The following MSH3 variants were observed in gnomAD, a reference collection of about 807,000 sequenced individuals.
MSH3 encodes the protein DNA mismatch repair protein Msh3.
In MSH3, 106 loss-of-function variants were observed where a neutral mutation model predicts 123.3. The observed-to-expected ratio is 0.86, with a 90% CI of 0.73 to 1.01. The LOEUF (loss-of-function observed/expected upper bound fraction) is 1.01, where lower values mean the gene tolerates loss of function less well. Ranked by LOEUF, MSH3 falls within the 50% of genes least tolerant of loss-of-function variation. MSH3 has a pLI of 0.00. For missense variants in MSH3, 1,459 were observed against 1,347.6 expected (o/e 1.08, Z -1.29); for synonymous variants, 515 against 481.4 (o/e 1.07, Z -0.91).
intron 8 of MSH3, among the ~76,000 whole-genome samples, chr5:80,695,035 C>T (rs1262364969): frequency 6.9e-6 from 1 of 144,810 alleles, no homozygotes; most frequent in Non-Finnish European, 1.5e-5. Context: ...GTGAATATTT[C>T]ATCTATTATT....
At position 80,774,727 on chromosome 5, in the gene MSH3, G is replaced by A. The variant is rs6151810; in HGVS notation, c.2254-967G>A. On this transcript the variant is annotated intron_variant, in intron 15 of 23. Coordinates refer to ENST00000265081, the MANE Select transcript of MSH3 (RefSeq NM_002439.5). ...AGCCAGGTGCAGAAAGACAAACTTT[G>A]CGTGTTGTCACTTACTTGTGGGAGC... Among the ~76,000 whole-genome samples the A allele has an allele frequency of 3.5e-3, 534 of 152,238 alleles. 2 individuals carry two copies. Among genetic ancestry groups the A allele is most frequent in the African/African-American group, 0.012 (512 of 41,534 alleles).
intron 8 of MSH3, among the ~76,000 whole-genome samples, chr5:80,692,699 C>T (rs1022666823): frequency 1.9e-4 from 26 of 135,390 alleles, no homozygotes; most frequent in African/African-American, 3.8e-4. Flanking sequence ...GATAAATATA[C>T]ATACACATGT....
intron 3 of MSH3, among the ~76,000 whole-genome samples, chr5:80,669,517 T>C (rs1749654224): frequency 6.6e-6 from 1 of 152,262 alleles, no homozygotes; most frequent in Non-Finnish European, 1.5e-5. Context: ...AGTACTAATG[T>C]TGAAAATGTG....
At chr5:80,855,681 C>T (rs944925688) in intron 21 of MSH3, 2 of 152,180 alleles carry the variant, frequency 1.3e-5, no homozygotes, top group African/African-American at 4.8e-5. Context: ...CAACGACACT[C>T]AATTTGGAAA....
intron 19 of MSH3, among the ~76,000 whole-genome samples, chr5:80,796,210 T>C (rs1394401401): frequency 6.6e-6 from 1 of 152,178 alleles, no homozygotes; most frequent in African/African-American, 2.4e-5. Context: ...CTTTTTTTCT[T>C]TCCTTTTTCA....
At chr5:80,837,354 G>T (rs1745533569) in intron 20 of MSH3, among the ~76,000 whole-genome samples, 1 of 152,116 alleles carries the variant, frequency 6.6e-6, no homozygotes, top group Admixed American at 6.6e-5. Flanking sequence ...TGAGGCAGGA[G>T]GATCACTTGA....
chr5:80,837,502 TG>T (rs1353300421), intron 20 of MSH3, among the ~76,000 whole-genome samples: 7 of 152,080 alleles, frequency 4.6e-5, no homozygotes, highest in African/African-American at 1.4e-4. Context: ...CGCTTGAACC[TG>T]GGAGGTTGAG....
chr5:80,839,757 C>T (rs1580082133), intron 20 of MSH3, among the ~76,000 whole-genome samples: 1 of 152,180 alleles, frequency 6.6e-6, no homozygotes, highest in South Asian at 2.1e-4. Context: ...TAAAAAGTGA[C>T]ACAATAAAAT....
At chr5:80,820,935 A>T (rs1236284693) in intron 20 of MSH3, among the ~76,000 whole-genome samples, 1 of 152,036 alleles carries the variant, frequency 6.6e-6, no homozygotes, top group African/African-American at 2.4e-5. Flanking sequence ...CTCAGTCTGG[A>T]CTCTGGTCCC....
At chr5:80,747,105 G>A (rs564082367) in intron 12 of MSH3, among the ~76,000 whole-genome samples, 14 of 152,312 alleles carry the variant, frequency 9.2e-5, no homozygotes, top group Non-Finnish European at 1.6e-4. Flanking sequence ...ACGCAGACAA[G>A]ATGGCTTTCT....
chr5:80,824,429 G>T (rs1420400948), intron 20 of MSH3, among the ~76,000 whole-genome samples: 1 of 151,860 alleles, frequency 6.6e-6, no homozygotes, highest in East Asian at 1.9e-4. Flanking sequence ...GGGGCGGCTG[G>T]CCGGGCGGGG....
At chr5:80,657,763 G>T (rs1012498956) in intron 2 of MSH3, among the ~76,000 whole-genome samples, 1 of 152,108 alleles carries the variant, frequency 6.6e-6, no homozygotes, top group African/African-American at 2.4e-5. Context: ...ACATGAAAGT[G>T]TTAGTATGAA....
chr5:80,836,746 A>G (rs1026420243), intron 20 of MSH3, among the ~76,000 whole-genome samples: 4 of 151,910 alleles, frequency 2.6e-5, no homozygotes, highest in African/African-American at 9.7e-5. Flanking sequence ...TGTAATGTAA[A>G]TGCTATGTAA....
At chr5:80,833,375 A>G (rs947120450) in intron 20 of MSH3, among the ~76,000 whole-genome samples, 3 of 152,222 alleles carry the variant, frequency 2.0e-5, no homozygotes, top group Non-Finnish European at 2.9e-5. Flanking sequence ...ATATTTTAAC[A>G]TCATTGTCTA....
At chr5:80,786,340 C>G (rs971212132) in intron 17 of MSH3, among the ~76,000 whole-genome samples, 1 of 152,128 alleles carries the variant, frequency 6.6e-6, no homozygotes, top group African/African-American at 2.4e-5. Context: ...TCTCTCTGAA[C>G]TTCATTTGTA....
In MSH3 at chr5:80,869,540, TCC is replaced by T. The variant is rs201779087; in HGVS notation, c.3131-3572_3131-3571del. ...AGGAGTACATAATTACAGAAAGAGA[TCC>T]CCCAGGCGATTATAGAAGAGTGGTT... On this transcript the variant is annotated intron_variant, in intron 22 of 23. Coordinates refer to ENST00000265081, the MANE Select transcript of MSH3 (RefSeq NM_002439.5). 3.4e-4 allele frequency among the ~76,000 whole-genome samples: 52 copies of T among 151,980 alleles called. No homozygotes were observed. In the East Asian group the frequency reaches 8.9e-3, roughly 26 times the overall value.
At chr5:80,808,512 AGTG>A (rs1281107069) in intron 19 of MSH3, among the ~76,000 whole-genome samples, 1 of 152,140 alleles carries the variant, frequency 6.6e-6, no homozygotes, top group Non-Finnish European at 1.5e-5. Context: ...CTCACCACTT[AGTG>A]GTGGATGGTG....
chr5:80,729,523 T>TA (rs1161683976), intron 10 of MSH3, among the ~76,000 whole-genome samples: 1 of 151,268 alleles, frequency 6.6e-6, no homozygotes, highest in African/African-American at 2.4e-5. Context: ...AGCTATTTGA[T>TA]ATATTATAGT....
At chr5:80,775,802 C>A in intron 16 of MSH3, 44 bp downstream of exon 16, 1 of 1,013,984 alleles carries the variant, frequency 9.9e-7, no homozygotes, top group Non-Finnish European at 1.6e-6. Flanking sequence ...ATTATGATGA[C>A]ATCTGTATAT....
Sources: gnomAD v4.1 joint callset for allele counts (sites outside exome capture counted in the v4.1 genomes callset) on GRCh38, gnomAD v4.1.1 for gene constraint, MANE v1.5 for transcripts, NCBI Gene and HGNC (gene_info 2026-07-23, HGNC 2026-07-21) for gene names.